EPS15: variants seen among roughly 807,000 people sequenced by gnomAD.
The protein encoded by EPS15 is epidermal growth factor receptor pathway substrate 15, also known as epidermal growth factor receptor substrate 15.
A neutral mutation model predicts 113.8 loss-of-function variants in EPS15; 72 were observed. That is an observed-to-expected ratio of 0.63 (90% CI 0.52 to 0.77). The LOEUF (loss-of-function observed/expected upper bound fraction) is 0.77, where lower values mean the gene tolerates loss of function less well. Ranked by LOEUF, EPS15 falls within the 30% of genes least tolerant of loss-of-function variation. The probability of loss-of-function intolerance (pLI) is 0.00; values close to 1 mark genes in which losing one functional copy is unlikely to be tolerated. For synonymous variants in EPS15, 344 were observed against 363.4 expected (o/e 0.95, Z 0.61); for missense variants, 1,048 against 1,045.8 (o/e 1.00, Z -0.03).
At chr1:51,402,408 C>T (rs1202662443) in intron 18 of EPS15, 27 bp downstream of exon 18, 1 of 1,253,462 alleles carries the variant, frequency 8.0e-7, no homozygotes, top group Non-Finnish European at 1.1e-6. Context: ...TTGGGTAAAT[C>T]TATAATATAA....
At chr1:51,360,040 G>T (rs971829835) in intron 24 of EPS15, among the ~76,000 whole-genome samples, 4 of 151,960 alleles carry the variant, frequency 2.6e-5, no homozygotes, top group African/African-American at 7.3e-5. Flanking sequence ...AAGCACTTTG[G>T]CCTCTTAAAA....
intron 1 of EPS15, among the ~76,000 whole-genome samples, chr1:51,488,399 T>C (rs1393416858): frequency 6.6e-6 from 1 of 150,618 alleles, no homozygotes; most frequent in Non-Finnish European, 1.5e-5. Context: ...AAGAGTCCAT[T>C]GCTATTTCTT....
intron 1 of EPS15, among the ~76,000 whole-genome samples, chr1:51,493,577 T>TAAATA: frequency 7.5e-6 from 1 of 133,078 alleles, no homozygotes; most frequent in African/African-American, 2.7e-5. Context: ...AATAAATAAA[T>TAAATA]AAAAATAAAG....
intron 12 of EPS15, among the ~76,000 whole-genome samples, chr1:51,426,696 G>A (rs1156742485): frequency 6.6e-6 from 1 of 151,738 alleles, no homozygotes; most frequent in Non-Finnish European, 1.5e-5. Flanking sequence ...TTCTATCTCA[G>A]ATTGCCTTTA....
Position 51,423,385 on chromosome 1 carries a change from G to A in EPS15, c.1041-1527C>T, listed in dbSNP as rs1334221102. The A allele has an allele frequency of 1.7e-5, 18 of 1,086,366 alleles. No homozygotes were observed. In the East Asian group the frequency reaches 2.9e-4, roughly 17 times the overall value. 67.3% of individuals were successfully genotyped at this position (1,086,366 alleles called of 1,614,324 possible). On this transcript the variant is annotated intron_variant, in intron 12 of 24. Coordinates refer to ENST00000371733, the MANE Select transcript of EPS15 (RefSeq NM_001981.3). The stretch of plus-strand genomic sequence containing the variant: ...GCAAATTCAAGAAATACAAAAACAC[G>A]GGGAAAAATTTCTGAAAATACCCAA...
chr1:51,474,468 A>C (rs978609129), intron 2 of EPS15, among the ~76,000 whole-genome samples: 1 of 152,214 alleles, frequency 6.6e-6, no homozygotes, highest in Non-Finnish European at 1.5e-5. Context: ...TGTACTTCAT[A>C]AAAGCAGACT....
At chr1:51,459,347 G>A (rs150449315) in intron 8 of EPS15, among the ~76,000 whole-genome samples, 4,569 of 151,800 alleles carry the variant, frequency 0.03, 75 homozygotes, top group African/African-American at 0.05. Context: ...AAATACAAAA[G>A]TTAGCCAGAT....
At chr1:51,406,499 C>A (rs186295008) in intron 15 of EPS15, among the ~76,000 whole-genome samples, 64 of 152,192 alleles carry the variant, frequency 4.2e-4, no homozygotes, top group African/African-American at 1.4e-3. Flanking sequence ...AATGGCTATA[C>A]CTGTAGACTT....
Position 51,354,862 on chromosome 1 carries a change from G to T in EPS15, c.*1838C>A. 1 of 202,330 alleles carries T rather than the reference G, an allele frequency of 4.9e-6. No individual in the cohort carries two copies. The allele number at this position is 202,330 out of a possible 1,614,324, so 12.5% of individuals were successfully genotyped here. On this transcript the variant is annotated 3_prime_UTR_variant, in exon 25 of 25. Coordinates refer to ENST00000371733, the MANE Select transcript of EPS15 (RefSeq NM_001981.3). ...TATAAGTTATAGATATTTAATATTTGAGTTTAATTGAAAATTTTTTTGAAG... is the reference window on the plus strand; with the variant it reads ...TATAAGTTATAGATATTTAATATTTTAGTTTAATTGAAAATTTTTTTGAAG...
chr1:51,361,608 T>C (rs996922302), intron 23 of EPS15, among the ~76,000 whole-genome samples: 2 of 152,170 alleles, frequency 1.3e-5, no homozygotes, highest in Non-Finnish European at 2.9e-5. Context: ...CCAGGAATCA[T>C]ATTTTTGTCC....
chr1:51,477,955 A>G (rs1418246355), intron 2 of EPS15, among the ~76,000 whole-genome samples: 4 of 152,226 alleles, frequency 2.6e-5, no homozygotes, highest in Admixed American at 2.6e-4. Flanking sequence ...AGAGTTCTGT[A>G]GAGGTCTATT....
intron 1 of EPS15, among the ~76,000 whole-genome samples, chr1:51,506,555 C>G (rs1053444838): frequency 6.6e-6 from 1 of 151,938 alleles, no homozygotes; most frequent in Non-Finnish European, 1.5e-5. Flanking sequence ...TCCACTTTAA[C>G]TTATGAATAC....
At chr1:51,437,977 C>T (rs556474146) in intron 12 of EPS15, among the ~76,000 whole-genome samples, 4 of 152,156 alleles carry the variant, frequency 2.6e-5, no homozygotes, top group East Asian at 1.9e-4. Flanking sequence ...ATGGAAAAAA[C>T]GGTTATTCAC....
intron 1 of EPS15, among the ~76,000 whole-genome samples, chr1:51,517,176 A>T (rs922829548): frequency 1.3e-5 from 2 of 152,186 alleles, no homozygotes; most frequent in Non-Finnish European, 2.9e-5. Context: ...TGCCTTCGTA[A>T]TCCCTCTTAT....
intron 1 of EPS15, among the ~76,000 whole-genome samples, chr1:51,500,509 T>C (rs527294644): frequency 6.6e-6 from 1 of 152,224 alleles, no homozygotes; most frequent in Admixed American, 6.5e-5. Context: ...TGGTATTTCA[T>C]TGTGGTTTTT....
chr1:51,492,298 C>T (rs6668872), intron 1 of EPS15, among the ~76,000 whole-genome samples: 18,955 of 152,100 alleles, frequency 0.12, 1,427 homozygotes, highest in African/African-American at 0.21. Flanking sequence ...TCTGCAAACA[C>T]GCTAACATCT....
At chr1:51,467,172 C>A (rs1654902174) in intron 5 of EPS15, among the ~76,000 whole-genome samples, 1 of 152,152 alleles carries the variant, frequency 6.6e-6, no homozygotes, top group African/African-American at 2.4e-5. Context: ...AAAAGTTTAA[C>A]CAAAGTATGC....
intron 21 of EPS15, among the ~76,000 whole-genome samples, chr1:51,392,909 T>C (rs1186986881): frequency 6.6e-6 from 1 of 152,228 alleles, no homozygotes; most frequent in Admixed American, 6.5e-5. Context: ...TTTAATTCTA[T>C]AGTACCCCTA....
chr1:51,357,959 G>A (rs367670942), intron 24 of EPS15, among the ~76,000 whole-genome samples: 22 of 151,920 alleles, frequency 1.4e-4, no homozygotes, highest in Admixed American at 1.3e-3. Context: ...GGCTGATCTC[G>A]AACTCCTGAC....
Sources: gnomAD v4.1 joint callset for allele counts (sites outside exome capture counted in the v4.1 genomes callset) on GRCh38, gnomAD v4.1.1 for gene constraint, MANE v1.5 for transcripts, NCBI Gene and HGNC (gene_info 2026-07-23, HGNC 2026-07-21) for gene names.